LRRC8C: variants seen among roughly 807,000 people sequenced by gnomAD.
The protein encoded by LRRC8C is volume-regulated anion channel subunit LRRC8C.
LRRC8C carries 20 observed loss-of-function variants against 55.3 expected under a neutral mutation model. The ratio of observed to expected loss-of-function variants is 0.36; its 90% CI spans 0.25 to 0.53. The LOEUF (loss-of-function observed/expected upper bound fraction) is 0.53. LRRC8C is among the 20% of genes least tolerant of loss of function. The probability of loss-of-function intolerance (pLI) is 0.92; values close to 1 mark genes in which losing one functional copy is unlikely to be tolerated. For synonymous variants in LRRC8C, 376 were observed against 360.7 expected (o/e 1.04, Z -0.48); for missense variants, 659 against 951.4 (o/e 0.69, Z 4.04).
At position 89,714,094 on chromosome 1, in the gene LRRC8C, C is replaced by T. The variant is rs747655464; in HGVS notation, c.1524C>T (p.Pro508=). ...VKFDDMRELP[P]WMYGLRNLEE... ...TTGATGACATGAGGGAACTCCCCCC[C>T]TGGATGTATGGGCTCCGAAATCTGG... Residue 508 remains proline, a synonymous_variant, in exon 3 of 3, where the codon CCC becomes CCT. Coordinates refer to ENST00000370454, the MANE Select transcript of LRRC8C (RefSeq NM_032270.5). This position sits in a 1 kb window ranked among gnomAD's most constrained non-coding sequence, Gnocchi z 4.6. 6.2e-7 allele frequency: 1 copy of T among 1,614,094 alleles called. No homozygotes were observed. Among genetic ancestry groups the T allele is most frequent in the South Asian group, 1.1e-5 (1 of 91,064 alleles).
intron 1 of LRRC8C, among the ~76,000 whole-genome samples, chr1:89,682,951 T>A (rs528936210): frequency 3.3e-4 from 50 of 152,300 alleles, no homozygotes; most frequent in African/African-American, 1.2e-3. Flanking sequence ...GAGACTTGAG[T>A]ATGTGGCATA....
the LRRC8C span, among the ~76,000 whole-genome samples, chr1:89,627,287 C>A: frequency 2.6e-5 from 4 of 151,196 alleles, no homozygotes; most frequent in Admixed American, 6.6e-5. Flanking sequence ...ATATATATTT[C>A]TTATTATATC....
intron 1 of LRRC8C, among the ~76,000 whole-genome samples, chr1:89,659,062 TG>T (rs753679116): frequency 0.04 from 2,634 of 66,494 alleles, 337 homozygotes; most frequent in Middle Eastern, 0.059. Flanking sequence ...TTTTTTTTTT[TG>T]TGTGTGTGTG....
chr1:89,674,420 A>G (rs2101247058), intron 1 of LRRC8C, among the ~76,000 whole-genome samples: 1 of 152,348 alleles, frequency 6.6e-6, no homozygotes, highest in Admixed American at 6.5e-5. Flanking sequence ...GGGAACTCAT[A>G]AAATGTCTAA....
At chr1:89,677,450 TAAG>T (rs1657582760) in intron 1 of LRRC8C, among the ~76,000 whole-genome samples, 1 of 152,190 alleles carries the variant, frequency 6.6e-6, no homozygotes, top group South Asian at 2.1e-4. Context: ...TATTGTCAAA[TAAG>T]AAACATGAAA....
At chr1:89,619,604 C>G in the LRRC8C span, among the ~76,000 whole-genome samples, 1 of 151,356 alleles carries the variant, frequency 6.6e-6, no homozygotes, top group Admixed American at 6.6e-5. Context: ...CAATTAGTAA[C>G]TCTTTACAAT....
chr1:89,616,690 G>C, the LRRC8C span, among the ~76,000 whole-genome samples: 24 of 152,196 alleles, frequency 1.6e-4, 2 homozygotes, highest in Admixed American at 9.2e-4. Context: ...AGTGTGACTT[G>C]GGCATGCCAT....
At chr1:89,695,122 A>G (rs1189872236) in intron 2 of LRRC8C, among the ~76,000 whole-genome samples, 6 of 151,820 alleles carry the variant, frequency 4.0e-5, no homozygotes, top group African/African-American at 1.5e-4. Flanking sequence ...GGGTTTCACC[A>G]TGTTGGCCAG....
intron 1 of LRRC8C, among the ~76,000 whole-genome samples, chr1:89,655,688 G>A (rs1279035453): frequency 6.6e-6 from 1 of 151,446 alleles, no homozygotes; most frequent in Non-Finnish European, 1.5e-5. Context: ...AAGAGCCAGA[G>A]GGGGCAAATC....
chr1:89,713,685 T>G lies in LRRC8C; in HGVS notation c.1115T>G (p.Phe372Cys). The G allele has an allele frequency of 6.2e-7, 1 of 1,614,206 alleles. No homozygotes were observed. The highest frequency in any genetic ancestry group is 8.5e-7 in the Non-Finnish European group (1 of 1,180,028). Reference sequence around the variant, plus strand: ...CCAGATGTGAAAAATGACTTTGCTTTTATGCTTCATATGATAGATCAGTAT... The same window carrying G: ...CCAGATGTGAAAAATGACTTTGCTTGTATGCTTCATATGATAGATCAGTAT... ...DIPDVKNDFA[F>C]MLHMIDQYDP... Residue 372 changes from phenylalanine (F) to cysteine (C), a missense_variant, in exon 3 of 3, where the codon TTT (phenylalanine) becomes TGT (cysteine). Coordinates refer to ENST00000370454, the MANE Select transcript of LRRC8C (RefSeq NM_032270.5). The surrounding 1 kb of genome is among the most constrained non-coding windows in gnomAD (Gnocchi z 5.2).
At chr1:89,636,539 T>G (rs778561474) in intron 1 of LRRC8C, among the ~76,000 whole-genome samples, 6 of 152,196 alleles carry the variant, frequency 3.9e-5, no homozygotes, top group Non-Finnish European at 8.8e-5. Context: ...GCAAACATAC[T>G]TTCCTTTTTT....
At chr1:89,645,823 T>C (rs1192370084) in intron 1 of LRRC8C, among the ~76,000 whole-genome samples, 6 of 152,056 alleles carry the variant, frequency 3.9e-5, no homozygotes, top group Non-Finnish European at 7.4e-5. Context: ...CTTCTACATA[T>C]CTTATGGGCC....
At chr1:89,709,799 T>G (rs1481634455) in intron 2 of LRRC8C, among the ~76,000 whole-genome samples, 1 of 150,654 alleles carries the variant, frequency 6.6e-6, no homozygotes, top group Non-Finnish European at 1.5e-5. Context: ...TCGCCCAGGC[T>G]GGAGTGCAGT....
the LRRC8C span, chr1:89,626,158 G>C: frequency 6.6e-6 from 1 of 152,188 alleles, no homozygotes; most frequent in Non-Finnish European, 1.5e-5. Flanking sequence ...CTATTCCTTA[G>C]TAACGCAGTT....
intron 1 of LRRC8C, among the ~76,000 whole-genome samples, chr1:89,639,300 A>G (rs1324835134): frequency 6.6e-6 from 1 of 152,186 alleles, no homozygotes; most frequent in Non-Finnish European, 1.5e-5. Flanking sequence ...ATTTATAATT[A>G]TGAAACACTG....
At chr1:89,662,312 G>A (rs944522497) in intron 1 of LRRC8C, among the ~76,000 whole-genome samples, 1 of 152,220 alleles carries the variant, frequency 6.6e-6, no homozygotes, top group Non-Finnish European at 1.5e-5. Context: ...CAAAGCGAGT[G>A]TGCAGGAGAG....
chr1:89,622,584 C>T, the LRRC8C span, among the ~76,000 whole-genome samples: 3 of 152,108 alleles, frequency 2.0e-5, no homozygotes, highest in East Asian at 3.9e-4. Flanking sequence ...CCGCCCGCCT[C>T]GGCCTCCCAA....
At chr1:89,657,313 G>C (rs1308432154) in intron 1 of LRRC8C, among the ~76,000 whole-genome samples, 1 of 152,064 alleles carries the variant, frequency 6.6e-6, no homozygotes, top group Non-Finnish European at 1.5e-5. Flanking sequence ...AAGAGAATTT[G>C]TACAAAATTA....
Position 89,712,769 on chromosome 1 carries a change from T to C in LRRC8C, c.199T>C (p.Ser67Pro), listed in dbSNP as rs1557670254. ...AGTGCAGCCTGCTCAGAACCACTCT[T>C]CCCTTTCGAATGTCTCTCAAGCAGT... Reference protein sequence around the residue: ...KRVQPAQNHSSLSNVSQAVAS... With the variant: ...KRVQPAQNHSPLSNVSQAVAS... Residue 67 changes from serine (S) to proline (P), a missense_variant, in exon 3 of 3, where the codon TCC becomes CCC. Transcript: ENST00000370454. The C allele has an allele frequency of 1.2e-6, 2 of 1,614,026 alleles. No homozygotes were observed. Among genetic ancestry groups the C allele is most frequent in the Non-Finnish European group, 1.7e-6 (2 of 1,180,030 alleles).
Sources: allele counts gnomAD v4.1 joint callset (sites outside exome capture counted in the v4.1 genomes callset), GRCh38; gene constraint gnomAD v4.1.1; non-coding constraint Gnocchi (gnomAD v3.1); transcripts MANE v1.5; gene names NCBI Gene and HGNC (gene_info 2026-07-23, HGNC 2026-07-21).